The following RAB3GAP1 variants were observed in gnomAD, a reference collection of about 807,000 sequenced individuals.
The protein encoded by RAB3GAP1 is RAB3 GTPase activating protein catalytic subunit 1.
In RAB3GAP1, 86 loss-of-function variants were observed where a neutral mutation model predicts 130.7. The ratio of observed to expected loss-of-function variants is 0.66; its 90% CI spans 0.55 to 0.79. The LOEUF is 0.79. Ranked by LOEUF, RAB3GAP1 falls within the 30% of genes least tolerant of loss-of-function variation. RAB3GAP1 has a pLI of 0.00. For missense variants in RAB3GAP1, 1,029 were observed against 1,169.4 expected, an observed-to-expected ratio of 0.88 and a Z score of 1.75; for synonymous variants, 367 against 401.7, an observed-to-expected ratio of 0.91 and a Z score of 1.03.
chr2:135,053,481 C>T (rs1376664882), intron 2 of RAB3GAP1, among the ~76,000 whole-genome samples: 1 of 152,184 alleles, frequency 6.6e-6, no homozygotes, highest in Non-Finnish European at 1.5e-5. Flanking sequence ...TGTTAAGTGT[C>T]ACAGAAACCC....
At chr2:135,081,987 C>CA (rs1258006684) in intron 3 of RAB3GAP1, among the ~76,000 whole-genome samples, 7 of 151,894 alleles carry the variant, frequency 4.6e-5, no homozygotes, top group Admixed American at 2.0e-4. Context: ...ACTAAAAATA[C>CA]AAAAATTAGC....
At chr2:135,125,098 C>T (rs1404617746) in intron 9 of RAB3GAP1, among the ~76,000 whole-genome samples, 1 of 152,188 alleles carries the variant, frequency 6.6e-6, no homozygotes, top group Non-Finnish European at 1.5e-5. Context: ...AATTCTTCAC[C>T]TCTTAGCCAT....
rs557187556 is a variant in RAB3GAP1 at position 135,153,952 on chromosome 2, G to T, written c.2289+76G>T. The T allele has an allele frequency of 3.5e-5, 49 of 1,399,468 alleles. No individual in the cohort carries two copies. In the South Asian group the frequency reaches 5.7e-4, roughly 16 times the overall value. The allele number at this position is 1,399,468 out of a possible 1,614,324, so 86.7% of individuals were successfully genotyped here. A position where few individuals can be genotyped will look rare whatever the true frequency, so the allele number is the denominator to read the frequency against. ...GATTTAGGAACTCACTGTCATAGACGTGAGAGTTTTGGACACACTTGAGGT... is the reference window on the plus strand; with the variant it reads ...GATTTAGGAACTCACTGTCATAGACTTGAGAGTTTTGGACACACTTGAGGT... On this transcript the variant is annotated intron_variant, in intron 19 of 23. Coordinates refer to ENST00000264158, the MANE Select transcript of RAB3GAP1 (RefSeq NM_012233.3).
chr2:135,123,419 G>T (rs908403275), intron 8 of RAB3GAP1, among the ~76,000 whole-genome samples: 1 of 152,114 alleles, frequency 6.6e-6, no homozygotes, highest in Non-Finnish European at 1.5e-5. Context: ...ATTTACTTAG[G>T]ATGTAGATAA....
At chr2:135,129,568 A>G (rs927825430) in intron 11 of RAB3GAP1, among the ~76,000 whole-genome samples, 1 of 152,156 alleles carries the variant, frequency 6.6e-6, no homozygotes, top group East Asian at 1.9e-4. Flanking sequence ...ATCTTCTAGA[A>G]ACATGTCTTT....
At position 135,130,537 on chromosome 2, in the gene RAB3GAP1, C is replaced by T. The variant is rs376151528; in HGVS notation, c.1067-15C>T. The T allele has an allele frequency of 1.4e-5, 23 of 1,603,452 alleles. No individual in the cohort carries two copies. The highest frequency in any genetic ancestry group is 3.3e-4 in the Middle Eastern group (2 of 6,042). Reference sequence around the variant, plus strand: ...TTGGTGATATAATTTATATTTATTTCTGTTCTTTTTATAGAAACTGCTGAT... The same window carrying T: ...TTGGTGATATAATTTATATTTATTTTTGTTCTTTTTATAGAAACTGCTGAT... On this transcript the variant is annotated splice_polypyrimidine_tract_variant and intron_variant, in intron 12 of 23. Coordinates refer to ENST00000264158, the MANE Select transcript of RAB3GAP1 (RefSeq NM_012233.3).
chr2:135,150,550 C>G, intron 18 of RAB3GAP1, 44 bp downstream of exon 18: 5 of 1,611,808 alleles, frequency 3.1e-6, no homozygotes, highest in Non-Finnish European at 4.2e-6. Context: ...TTGAGCTATT[C>G]TGGGATGAAA....
intron 5 of RAB3GAP1, 80 bp from the exon 6 acceptor site, chr2:135,113,071 A>C: frequency 1.9e-6 from 3 of 1,597,122 alleles, no homozygotes; most frequent in Non-Finnish European, 2.6e-6. Flanking sequence ...TCTGTAGTGA[A>C]ATTTTTTTGT....
chr2:135,066,690 A>G (rs1419052012), intron 3 of RAB3GAP1, among the ~76,000 whole-genome samples: 1 of 152,224 alleles, frequency 6.6e-6, no homozygotes, highest in Non-Finnish European at 1.5e-5. Flanking sequence ...CTGGGGCTTT[A>G]TAAAATAGAT....
intron 11 of RAB3GAP1, 40 bp downstream of exon 11, chr2:135,126,696 C>G: frequency 6.6e-7 from 1 of 1,507,060 alleles, no homozygotes; most frequent in Non-Finnish European, 9.2e-7. Flanking sequence ...TACTGCTGAT[C>G]TGCCTAACTT....
chr2:135,130,300 A>T (rs1319339328), intron 12 of RAB3GAP1, among the ~76,000 whole-genome samples: 1 of 152,216 alleles, frequency 6.6e-6, no homozygotes, highest in Non-Finnish European at 1.5e-5. Flanking sequence ...CAAAAATGTA[A>T]AATATTTTGA....
intron 5 of RAB3GAP1, among the ~76,000 whole-genome samples, chr2:135,102,976 C>G (rs903821062): frequency 3.0e-5 from 4 of 134,420 alleles, no homozygotes; most frequent in African/African-American, 1.2e-4. Flanking sequence ...GATCGCACAC[C>G]AGACTGGGCG....
intron 11 of RAB3GAP1, among the ~76,000 whole-genome samples, chr2:135,128,206 T>C (rs1011902559): frequency 1.3e-5 from 2 of 152,226 alleles, no homozygotes; most frequent in African/African-American, 2.4e-5. Flanking sequence ...AAGTCCACCA[T>C]TGGTGAATTT....
chr2:135,057,056 G>A (rs1558755442), intron 2 of RAB3GAP1, among the ~76,000 whole-genome samples: 1 of 152,148 alleles, frequency 6.6e-6, no homozygotes, highest in Non-Finnish European at 1.5e-5. Flanking sequence ...TTCTGAAAAT[G>A]TCTTTGACTG....
intron 11 of RAB3GAP1, among the ~76,000 whole-genome samples, chr2:135,128,849 C>G (rs868213277): frequency 1.3e-5 from 2 of 152,190 alleles, no homozygotes; most frequent in Non-Finnish European, 2.9e-5. Flanking sequence ...CGCTTTACCT[C>G]TGTTTATAAT....
chr2:135,086,098 C>A (rs948615607), intron 3 of RAB3GAP1, among the ~76,000 whole-genome samples: 1 of 152,086 alleles, frequency 6.6e-6, no homozygotes, highest in Non-Finnish European at 1.5e-5. Context: ...TCTTTTTATT[C>A]TATAACTATA....
chr2:135,087,817 C>G (rs1026190708), intron 3 of RAB3GAP1, among the ~76,000 whole-genome samples: 2 of 152,038 alleles, frequency 1.3e-5, no homozygotes, highest in Non-Finnish European at 2.9e-5. Flanking sequence ...TGAATAGGGA[C>G]AGTTTTCTTT....
chr2:135,150,584 G>T, intron 18 of RAB3GAP1, 78 bp downstream of exon 18: 1 of 1,572,604 alleles, frequency 6.4e-7, no homozygotes. Flanking sequence ...TCTGTAAAGT[G>T]GTATAAAGGC....
Position 135,135,949 on chromosome 2 carries a change from C to A in RAB3GAP1, c.1923+17C>A, listed in dbSNP as rs1283487581. The A allele has an allele frequency of 6.2e-7, 1 of 1,611,452 alleles. No homozygotes were observed. The highest frequency in any genetic ancestry group is 8.5e-7 in the Non-Finnish European group (1 of 1,177,630). On this transcript the variant is annotated intron_variant, in intron 17 of 23. Coordinates refer to ENST00000264158, the MANE Select transcript of RAB3GAP1 (RefSeq NM_012233.3). ...GTAACCCAGGTAGGATGCACTAGTT[C>A]TTTCCATTTTAATTTATTTTGTGGT...
Sources: allele counts gnomAD v4.1 joint callset (sites outside exome capture counted in the v4.1 genomes callset), GRCh38; gene constraint gnomAD v4.1.1; transcripts MANE v1.5; gene names NCBI Gene and HGNC (gene_info 2026-07-23, HGNC 2026-07-21).